BCAR1: variants seen among roughly 807,000 people sequenced by gnomAD.
The protein encoded by BCAR1 is breast cancer anti-estrogen resistance protein 1.
In BCAR1, 30 loss-of-function variants were observed where a neutral mutation model predicts 67.6. That is an observed-to-expected ratio of 0.44 (90% CI 0.33 to 0.60). The LOEUF (loss-of-function observed/expected upper bound fraction) is 0.60, where lower values mean the gene tolerates loss of function less well. BCAR1 is among the 20% of genes least tolerant of loss of function. BCAR1 has a pLI of 0.02. For missense variants in BCAR1, 1,313 were observed against 1,222.3 expected, an observed-to-expected ratio of 1.07 and a Z score of -1.11; for synonymous variants, 626 against 556.7, an observed-to-expected ratio of 1.12 and a Z score of -1.75.
intron 5 of BCAR1, 21 bp downstream of exon 5, chr16:75,234,868 G>C (rs1380672629): frequency 6.6e-6 from 10 of 1,521,016 alleles, no homozygotes; most frequent in Admixed American, 2.2e-5. Context: ...GAGGAGCCGG[G>C]GCTGGGCAGG....
chr16:75,233,374 A>C (rs1473838731), intron 6 of BCAR1, among the ~76,000 whole-genome samples: 1 of 139,560 alleles, frequency 7.2e-6, no homozygotes, highest in Non-Finnish European at 1.5e-5. Flanking sequence ...TTCTGTGTCA[A>C]AAAAAAAAAA....
chr16:75,236,626 C>T (rs893982452), intron 4 of BCAR1: 5 of 569,202 alleles, frequency 8.8e-6, no homozygotes, highest in Middle Eastern at 4.7e-4. Context: ...TGACACATCC[C>T]GTGGTCACCT....
intron 2 of BCAR1, among the ~76,000 whole-genome samples, chr16:75,239,971 C>T (rs1274870741): frequency 2.0e-5 from 3 of 152,232 alleles, no homozygotes; most frequent in African/African-American, 7.2e-5. Context: ...GACGCCTTCC[C>T]CCGGGGGTCC....
At chr16:75,263,866 AAC>A in intron 1 of BCAR1, 1 of 1,002,480 alleles carries the variant, frequency 1.0e-6, no homozygotes, top group East Asian at 1.0e-4. Context: ...CAATTTTCCG[AAC>A]ACTTCAAGAC....
chr16:75,240,629 C>T (rs757686465), intron 2 of BCAR1, among the ~76,000 whole-genome samples: 6 of 152,236 alleles, frequency 3.9e-5, no homozygotes, highest in Non-Finnish European at 8.8e-5. Context: ...TCCAGACTTT[C>T]CCATACATTA....
At chr16:75,237,115 GGCCCAGGGCCAAGCAGAGGCACAGA>G in intron 3 of BCAR1, 43 bp downstream of exon 3, 1 of 1,499,282 alleles carries the variant, frequency 6.7e-7, no homozygotes, top group Non-Finnish European at 8.9e-7. Flanking sequence ...TGCAGCTCTC[GGCCCAGGGCCAAGCAGAGGCACAGA>G]CTTGCCGCCC....
chr16:75,262,595 T>C (rs1410339039), intron 1 of BCAR1, among the ~76,000 whole-genome samples: 1 of 152,122 alleles, frequency 6.6e-6, no homozygotes, highest in Admixed American at 6.5e-5. Flanking sequence ...CACTGCCTCA[T>C]CCCACTCTCT....
At chr16:75,238,565 C>T (rs1188340552) in intron 2 of BCAR1, 4 of 989,124 alleles carry the variant, frequency 4.0e-6, no homozygotes, top group African/African-American at 1.7e-5. Flanking sequence ...GAGGCGCCAG[C>T]ACCCCCCAGC....
rs1337812585 is a variant in BCAR1, at chr16:75,251,098, C to A, written c.12+373G>T. ...GCCGGACCACCCGCCAGAGGCTCAA[C>A]GGCCCCTCCTCGCAGCCGAGGAAAC... On this transcript the variant is annotated intron_variant, in intron 1 of 6. Coordinates refer to ENST00000162330, the MANE Select transcript of BCAR1 (RefSeq NM_014567.5). Among the ~76,000 whole-genome samples, 6 of 152,314 alleles carry A rather than the reference C, an allele frequency of 3.9e-5. No individual in the cohort carries two copies. The East Asian group carries it at 7.8e-4, about 20-fold the overall frequency.
Position 75,230,028 on chromosome 16 carries a change from G to T in BCAR1, c.2101-5C>A, listed in dbSNP as rs201637235. 3 of 1,525,962 alleles carry T rather than the reference G, an allele frequency of 2.0e-6. No individual in the cohort carries two copies. The highest frequency in any genetic ancestry group is 2.6e-6 in the Non-Finnish European group (3 of 1,135,602). 94.5% of individuals were successfully genotyped at this position (1,525,962 alleles called of 1,614,324 possible). A position where few individuals can be genotyped will look rare whatever the true frequency, so the allele number is the denominator to read the frequency against. On this transcript the variant is annotated splice_region_variant and splice_polypyrimidine_tract_variant and intron_variant, in intron 6 of 6. Coordinates refer to ENST00000162330, the MANE Select transcript of BCAR1 (RefSeq NM_014567.5). ...CAGTCGTTCAAACTGCTTCAGCTGG[G>T]GCAGGAGGGAAGCAGGAGCAGGGTT...
intron 1 of BCAR1, among the ~76,000 whole-genome samples, chr16:75,260,033 A>C (rs563751848): frequency 5.4e-4 from 82 of 151,722 alleles, no homozygotes; most frequent in Non-Finnish European, 8.0e-4. Context: ...GTCTCTACTA[A>C]AAGTACAAAA....
upstream of BCAR1, among the ~76,000 whole-genome samples, chr16:75,254,873 T>C (rs12932495): frequency 0.23 from 34,238 of 151,836 alleles, 4,263 homozygotes; most frequent in East Asian, 0.47. Flanking sequence ...GTGTCTGGAG[T>C]GGAGGGGGTT....
upstream of BCAR1, among the ~76,000 whole-genome samples, chr16:75,255,963 C>T (rs2077765431): frequency 6.6e-6 from 1 of 152,258 alleles, no homozygotes; most frequent in Non-Finnish European, 1.5e-5. Flanking sequence ...TGCACTCCAG[C>T]CTGGGCGAGA....
chr16:75,236,069 C>T, intron 4 of BCAR1, 83 bp from the exon 5 acceptor site: 2 of 1,478,616 alleles, frequency 1.4e-6, no homozygotes, highest in Non-Finnish European at 9.0e-7. Context: ...GCCACACACA[C>T]ACACACACGT....
chr16:75,263,813 C>A, intron 1 of BCAR1: 6 of 988,104 alleles, frequency 6.1e-6, no homozygotes, highest in Non-Finnish European at 7.2e-6. Flanking sequence ...GAGCAGGCAG[C>A]TCAGTCTGGA....
chr16:75,254,380 C>T (rs535728318), upstream of BCAR1, among the ~76,000 whole-genome samples: 3 of 152,296 alleles, frequency 2.0e-5, no homozygotes, highest in South Asian at 6.2e-4. Context: ...GGGCCAGCAC[C>T]ACCCCCACCC....
At chr16:75,266,042 G>C in intron 1 of BCAR1, 2 of 1,026,116 alleles carry the variant, frequency 1.9e-6, no homozygotes, top group African/African-American at 3.4e-5. Context: ...CCGTCTCCGC[G>C]GCCAGGGACG....
intron 1 of BCAR1, chr16:75,267,881 G>T: frequency 6.3e-7 from 1 of 1,578,126 alleles, no homozygotes; most frequent in Non-Finnish European, 8.6e-7. Flanking sequence ...CCTTAGCAGG[G>T]AGAGAGGGGA....
chr16:75,248,293 G>A (rs765924854), intron 1 of BCAR1: 25 of 1,420,944 alleles, frequency 1.8e-5, no homozygotes, highest in Non-Finnish European at 2.3e-5. Flanking sequence ...CCCCAGCACA[G>A]AGCCTCGCAC....
Sources: allele counts gnomAD v4.1 joint callset (sites outside exome capture counted in the v4.1 genomes callset), GRCh38; gene constraint gnomAD v4.1.1; transcripts MANE v1.5; gene names NCBI Gene and HGNC (gene_info 2026-07-23, HGNC 2026-07-21).